MAGI3: variants seen among roughly 807,000 people sequenced by gnomAD.
The protein encoded by MAGI3 is membrane associated guanylate kinase, WW and PDZ domain containing 3, also known as membrane-associated guanylate kinase, WW and PDZ domain-containing protein 3.
MAGI3 carries 43 observed loss-of-function variants against 121.8 expected under a neutral mutation model. The observed-to-expected ratio is 0.35, with a 90% CI of 0.28 to 0.46. MAGI3 has a LOEUF of 0.46. Ranked by LOEUF, MAGI3 falls within the 20% of genes least tolerant of loss-of-function variation. MAGI3 has a pLI of 1.00. For synonymous variants in MAGI3, 553 were observed against 639.3 expected (o/e 0.86, Z 2.04); for missense variants, 1,547 against 1,797.3 (o/e 0.86, Z 2.52).
chr1:113,633,954 T>A (rs1651830813), intron 9 of MAGI3, among the ~76,000 whole-genome samples: 1 of 152,060 alleles, frequency 6.6e-6, no homozygotes, highest in African/African-American at 2.4e-5. Flanking sequence ...GGTATCTCAT[T>A]GTGGTTTTGA....
At chr1:113,493,548 A>G (rs1377884863) in intron 1 of MAGI3, among the ~76,000 whole-genome samples, 2 of 152,226 alleles carry the variant, frequency 1.3e-5, no homozygotes, top group African/African-American at 4.8e-5. Context: ...TAAACGAAAG[A>G]GCTTCTGCAT....
rs1471792391 is a variant in MAGI3, at chr1:113,601,373, A to G, written c.1018+6813A>G. On this transcript the variant is annotated intron_variant, in intron 6 of 20. Transcript: ENST00000307546. ...CTACAATGAACTCCAACAAATTTACAAGAAAAAAACAAACAACCCCATCAA... is the reference window on the plus strand; with the variant it reads ...CTACAATGAACTCCAACAAATTTACGAGAAAAAAACAAACAACCCCATCAA... Among the ~76,000 whole-genome samples the G allele has an allele frequency of 3.6e-5, 5 of 140,634 alleles. No homozygotes were observed. In the Admixed American group the frequency reaches 3.9e-4, roughly 11 times the overall value. 92.3% of individuals were successfully genotyped at this position (140,634 alleles called of 152,430 possible). A position where few individuals can be genotyped will look rare whatever the true frequency, so the allele number is the denominator to read the frequency against.
chr1:113,620,980 T>G (rs181019983), intron 8 of MAGI3, among the ~76,000 whole-genome samples: 143 of 152,326 alleles, frequency 9.4e-4, no homozygotes, highest in Middle Eastern at 3.4e-3. Flanking sequence ...TTCATTGTTA[T>G]TAATAGACAT....
intron 5 of MAGI3, among the ~76,000 whole-genome samples, chr1:113,593,074 G>C (rs984790317): frequency 2.0e-5 from 3 of 152,094 alleles, no homozygotes; most frequent in Non-Finnish European, 4.4e-5. Context: ...ATTATACCTG[G>C]CAGTGGCTGC....
At chr1:113,486,321 T>C (rs1656378685) in intron 1 of MAGI3, among the ~76,000 whole-genome samples, 1 of 152,218 alleles carries the variant, frequency 6.6e-6, no homozygotes, top group East Asian at 1.9e-4. Context: ...TTTCACAATA[T>C]TGATTCTACT....
chr1:113,393,215 A>G (rs1227544996), intron 1 of MAGI3, among the ~76,000 whole-genome samples: 3 of 152,158 alleles, frequency 2.0e-5, no homozygotes, highest in Admixed American at 6.5e-5. Context: ...TAAACATCCT[A>G]TGCCCCCGTA....
chr1:113,395,672 T>A (rs576187135), intron 1 of MAGI3, among the ~76,000 whole-genome samples: 134 of 152,156 alleles, frequency 8.8e-4, no homozygotes, highest in Non-Finnish European at 1.2e-3. Flanking sequence ...TATGTATATG[T>A]ATATACACAC....
chr1:113,417,597 C>T (rs1038734861), intron 1 of MAGI3, among the ~76,000 whole-genome samples: 7 of 152,116 alleles, frequency 4.6e-5, no homozygotes, highest in Non-Finnish European at 8.8e-5. Flanking sequence ...TACTTTCCTA[C>T]TCCCTCCTCC....
At chr1:113,554,897 G>A (rs1293764050) in intron 2 of MAGI3, among the ~76,000 whole-genome samples, 2 of 152,128 alleles carry the variant, frequency 1.3e-5, no homozygotes, top group Non-Finnish European at 2.9e-5. Flanking sequence ...AAGCTGAGGT[G>A]GGAGGATCAC....
intron 1 of MAGI3, among the ~76,000 whole-genome samples, chr1:113,401,833 A>G (rs1373204375): frequency 6.6e-6 from 1 of 152,212 alleles, no homozygotes; most frequent in African/African-American, 2.4e-5. Flanking sequence ...CATTGCATTT[A>G]AGTAGACCTT....
At chr1:113,454,472 G>T (rs942021541) in intron 1 of MAGI3, among the ~76,000 whole-genome samples, 1 of 151,964 alleles carries the variant, frequency 6.6e-6, no homozygotes, top group African/African-American at 2.4e-5. Context: ...ATAGGGATTA[G>T]TATCTATTAC....
At chr1:113,429,869 T>C (rs748509258) in intron 1 of MAGI3, among the ~76,000 whole-genome samples, 1 of 152,158 alleles carries the variant, frequency 6.6e-6, no homozygotes, top group Non-Finnish European at 1.5e-5. Flanking sequence ...GAATTGGCCT[T>C]AGGTTCCCTG....
intron 1 of MAGI3, among the ~76,000 whole-genome samples, chr1:113,524,950 T>A (rs1658382318): frequency 6.6e-6 from 1 of 152,156 alleles, no homozygotes; most frequent in Non-Finnish European, 1.5e-5. Context: ...GGGGTGGGTC[T>A]TTCCCATGCT....
chr1:113,525,460 T>C (rs1658406530), intron 1 of MAGI3, among the ~76,000 whole-genome samples: 1 of 151,984 alleles, frequency 6.6e-6, no homozygotes, highest in African/African-American at 2.4e-5. Context: ...ACATACTGAT[T>C]GAAAGATAAC....
At chr1:113,607,641 A>G (rs1167371081) in intron 6 of MAGI3, among the ~76,000 whole-genome samples, 2 of 152,078 alleles carry the variant, frequency 1.3e-5, no homozygotes, top group African/African-American at 4.8e-5. Context: ...AAAAACATCT[A>G]TTTTTGTATA....
chr1:113,634,174 C>T (rs558285926), intron 9 of MAGI3, among the ~76,000 whole-genome samples: 21 of 152,238 alleles, frequency 1.4e-4, no homozygotes, highest in African/African-American at 3.9e-4. Flanking sequence ...AATTTTCTCC[C>T]ATTTTGTAGG....
At chr1:113,506,985 A>C (rs1242127586) in intron 1 of MAGI3, among the ~76,000 whole-genome samples, 8 of 152,274 alleles carry the variant, frequency 5.3e-5, no homozygotes, top group Non-Finnish European at 1.2e-4. Flanking sequence ...CATAGTGAGC[A>C]TGCTTTGGGT....
chr1:113,465,494 G>A (rs1655234639), intron 1 of MAGI3, among the ~76,000 whole-genome samples: 1 of 151,844 alleles, frequency 6.6e-6, no homozygotes, highest in Non-Finnish European at 1.5e-5. Flanking sequence ...GGGGTCTTTT[G>A]TGATTCCATA....
intron 20 of MAGI3, chr1:113,682,272 G>C: frequency 6.2e-7 from 1 of 1,607,828 alleles, no homozygotes; most frequent in Non-Finnish European, 8.5e-7. Context: ...GGCTTTCAGG[G>C]CTTTTCTTGG....
Sources: allele counts gnomAD v4.1 joint callset (sites outside exome capture counted in the v4.1 genomes callset), GRCh38; gene constraint gnomAD v4.1.1; transcripts MANE v1.5; gene names NCBI Gene and HGNC (gene_info 2026-07-23, HGNC 2026-07-21).